Variants in KRR1 observed in about 807,000 individuals in gnomAD.
The protein encoded by KRR1 is KRR1 small subunit processome component.
In KRR1, 23 loss-of-function variants were observed where a neutral mutation model predicts 50.0. The ratio of observed to expected loss-of-function variants is 0.46; its 90% CI spans 0.33 to 0.65. KRR1 has a LOEUF of 0.65. Among genes scored for constraint, KRR1 ranks in the 30% least tolerant of loss-of-function variants. The pLI is 0.02. For missense variants in KRR1, 419 were observed against 442.4 expected, an observed-to-expected ratio of 0.95 and a Z score of 0.47; for synonymous variants, 133 against 146.3, an observed-to-expected ratio of 0.91 and a Z score of 0.66.
chr12:75,505,628 T>C (rs2046418599), intron 5 of KRR1, among the ~76,000 whole-genome samples: 1 of 152,062 alleles, frequency 6.6e-6, no homozygotes, highest in African/African-American at 2.4e-5. Context: ...AAGACTCTCT[T>C]GTAAGAATTG....
intron 7 of KRR1, 188 bp from the exon 8 acceptor site, chr12:75,502,188 A>T (rs1420342007): frequency 1.8e-6 from 1 of 551,888 alleles, no homozygotes; most frequent in Non-Finnish European, 3.2e-6. Flanking sequence ...TGGAGGTAGG[A>T]AAGCACCTCC....
chr12:75,506,081 C>A, intron 5 of KRR1: 1 of 364,304 alleles, frequency 2.7e-6, no homozygotes, highest in Non-Finnish European at 5.0e-6. Context: ...TAATAGTGTG[C>A]AGACCATCTA....
chr12:75,501,473 A>C (rs950979421), intron 9 of KRR1: 1 of 385,690 alleles, frequency 2.6e-6, no homozygotes, highest in Non-Finnish European at 4.6e-6. Flanking sequence ...CTTTCACAAC[A>C]AAGAGTCTTT....
chr12:75,497,785 C>T lies in KRR1; in HGVS notation c.*2024G>A, dbSNP rs2120570545. 6.6e-6 allele frequency: 1 copy of T among 152,204 alleles called. No individual in the cohort carries two copies. The highest frequency in any genetic ancestry group is 2.1e-4 in the South Asian group (1 of 4,824). The allele number at this position is 152,204 out of a possible 1,614,324, so 9.4% of individuals were successfully genotyped here. Reference sequence around the variant, plus strand: ...AATACCCTTGGAGGCCAAATCAGGACTGTTTTACAAAATGTGCTGGGCATA... The same window carrying T: ...AATACCCTTGGAGGCCAAATCAGGATTGTTTTACAAAATGTGCTGGGCATA... On this transcript the variant is annotated 3_prime_UTR_variant, in exon 10 of 10. Transcript: ENST00000229214.
chr12:75,500,007 AAAG>A, intron 9 of KRR1, 56 bp from the exon 10 acceptor site: 4 of 1,361,640 alleles, frequency 2.9e-6, no homozygotes, highest in Non-Finnish European at 4.0e-6. Context: ...CAAGTAAAAC[AAAG>A]AATATATGTT....
chr12:75,501,516 G>A, intron 9 of KRR1: 1 of 530,768 alleles, frequency 1.9e-6, no homozygotes. Context: ...GGAGAGGACT[G>A]TCAATCCAGT....
At position 75,497,891 on chromosome 12, in the gene KRR1, T is replaced by C. The variant is rs996968363; in HGVS notation, c.*1918A>G. 7.8e-6 allele frequency: 1 copy of C among 127,838 alleles called. No homozygotes were observed. The highest frequency in any genetic ancestry group is 1.8e-5 in the Non-Finnish European group (1 of 54,910). 7.9% of individuals were successfully genotyped at this position (127,838 alleles called of 1,614,324 possible). A position where few individuals can be genotyped will look rare whatever the true frequency, so the allele number is the denominator to read the frequency against. On this transcript the variant is annotated 3_prime_UTR_variant, in exon 10 of 10. Coordinates refer to ENST00000229214, the MANE Select transcript of KRR1 (RefSeq NM_007043.7). ...GTTGAATATTGAACATTTAAAAATA[T>C]ATATAAAAAAAAATAACTAGAACAT...
chr12:75,492,955 G>C lies in KRR1; in HGVS notation c.*6854C>G, dbSNP rs1323279793. 6.6e-6 allele frequency: 1 copy of C among 152,176 alleles called. No individual in the cohort carries two copies. The highest frequency in any genetic ancestry group is 1.5e-5 in the Non-Finnish European group (1 of 68,040). The allele number at this position is 152,176 out of a possible 1,614,324, so 9.4% of individuals were successfully genotyped here. On this transcript the variant is annotated 3_prime_UTR_variant, in exon 10 of 10. Coordinates refer to ENST00000229214, the MANE Select transcript of KRR1 (RefSeq NM_007043.7). ...GCTTCTTGTGTTATATTTAAGCTTA[G>C]GCATGAAGAATGAGAAGGAATCAGA... is the stretch of plus-strand genomic sequence containing the variant.
intron 9 of KRR1, chr12:75,501,448 G>T: frequency 3.2e-6 from 1 of 314,122 alleles, no homozygotes; most frequent in Non-Finnish European, 5.8e-6. Flanking sequence ...TGCACTGGCT[G>T]CCCTGGGTTT....
At position 75,506,624 on chromosome 12, in the gene KRR1, A is replaced by AC; in HGVS notation, c.394-16_394-15insG. ...ATTCGTACTGCCTTTTGCAAAAAAA[A>AC]AAAAAAAAAGAAGACATTATCAACA... On this transcript the variant is annotated splice_polypyrimidine_tract_variant and intron_variant, in intron 3 of 9. Coordinates refer to ENST00000229214, the MANE Select transcript of KRR1 (RefSeq NM_007043.7). The AC allele has an allele frequency of 6.4e-7, 1 of 1,552,478 alleles. No homozygotes were observed. The highest frequency in any genetic ancestry group is 1.4e-5 in the African/African-American group (1 of 71,788).
intron 7 of KRR1, 160 bp downstream of exon 7, chr12:75,503,744 A>G (rs2046409492): frequency 1.7e-6 from 1 of 579,404 alleles, no homozygotes; most frequent in Non-Finnish European, 2.9e-6. Context: ...AGCTCAAAAT[A>G]TGCCTATTTA....
At position 75,491,034 on chromosome 12, in the gene KRR1, T is replaced by C. The variant is rs1001076824; in HGVS notation, c.*8775A>G. On this transcript the variant is annotated 3_prime_UTR_variant, in exon 10 of 10. Coordinates refer to ENST00000229214, the MANE Select transcript of KRR1 (RefSeq NM_007043.7). ...CACCTTCCTCCTACTTTCTTTAAAC[T>C]TACATATGTGTGCTTGTGTCATACA... 1 of 152,484 alleles carries C rather than the reference T, an allele frequency of 6.6e-6. No individual in the cohort carries two copies. Among genetic ancestry groups the C allele is most frequent in the African/African-American group, 2.4e-5 (1 of 41,452 alleles). 9.4% of individuals were successfully genotyped at this position (152,484 alleles called of 1,614,324 possible).
rs1679372 is a variant in KRR1, at chr12:75,511,385, G to T, written c.85+128C>A. ...TGGGCCCAGCCAAAATCTTATCAGC[G>T]ATTATTCAGGTACTCAACTACACAG... On this transcript the variant is annotated intron_variant, in intron 1 of 9. Transcript: ENST00000229214. 8.0e-3 allele frequency: 6,260 copies of T among 777,646 alleles called. 275 individuals are homozygous for T. The African/African-American group carries it at 0.097, about 12-fold the overall frequency. 48.2% of individuals were successfully genotyped at this position (777,646 alleles called of 1,614,324 possible).
Position 75,498,847 on chromosome 12 carries a change from G to T in KRR1, c.*962C>A. 2 of 1,612,530 alleles carry T rather than the reference G, an allele frequency of 1.2e-6. No individual in the cohort carries two copies. Among genetic ancestry groups the T allele is most frequent in the Non-Finnish European group, 1.7e-6 (2 of 1,178,984 alleles). On this transcript the variant is annotated 3_prime_UTR_variant, in exon 10 of 10. Coordinates refer to ENST00000229214, the MANE Select transcript of KRR1 (RefSeq NM_007043.7). ...AGGTTACTACTCTGTTGTATATCCA[G>T]GCTGGCCCATATATCCACGTAACAG... is the stretch of plus-strand genomic sequence containing the variant.
At position 75,495,895 on chromosome 12, in the gene KRR1, A is replaced by C. The variant is rs1014153494; in HGVS notation, c.*3914T>G. On this transcript the variant is annotated 3_prime_UTR_variant, in exon 10 of 10. Transcript: ENST00000229214. ...ATTGGTCAAACAACAACAACAAAAAAAACTGTCAGAAACTGTAGACTAAGA... is the reference window on the plus strand; with the variant it reads ...ATTGGTCAAACAACAACAACAAAAACAACTGTCAGAAACTGTAGACTAAGA... 1 of 320,156 alleles carries C rather than the reference A, an allele frequency of 3.1e-6. No individual in the cohort carries two copies. Among genetic ancestry groups the C allele is most frequent in the Non-Finnish European group, 5.7e-6 (1 of 176,306 alleles). 19.8% of individuals were successfully genotyped at this position (320,156 alleles called of 1,614,324 possible). A position where few individuals can be genotyped will look rare whatever the true frequency, so the allele number is the denominator to read the frequency against.
Position 75,511,530 on chromosome 12 carries a change from G to A in KRR1, c.68C>T (p.Pro23Leu), listed in dbSNP as rs770064660. The change falls in exon 1 of 10, where the codon CCG (proline) becomes CTG (leucine). Residue 23 changes from proline to leucine, a missense_variant. Coordinates refer to ENST00000229214, the MANE Select transcript of KRR1 (RefSeq NM_007043.7). ...AGKSEFRNQKPKPENQDESEL... is the reference protein window; with the variant it reads ...AGKSEFRNQKLKPENQDESEL... ...AACATCACCTTGGTTCTCCGGCTTC[G>A]GCTTCTGGTTACGAAATTCACTTTT... 8 of 1,614,092 alleles carry A rather than the reference G, an allele frequency of 5.0e-6. No homozygotes were observed. The highest frequency in any genetic ancestry group is 5.9e-6 in the Non-Finnish European group (7 of 1,179,954).
In KRR1 at chr12:75,494,190, T is replaced by C. The variant is rs1386530743; in HGVS notation, c.*5619A>G. On this transcript the variant is annotated 3_prime_UTR_variant, in exon 10 of 10. Transcript: ENST00000229214. ...TTGGAAATAAGGTATCGTTATAAAG[T>C]TGTGTGTCTAAGGTGAGAGTTCTCA... is the stretch of plus-strand genomic sequence containing the variant. 2 of 152,158 alleles carry C rather than the reference T, an allele frequency of 1.3e-5. No homozygotes were observed. Among genetic ancestry groups the C allele is most frequent in the Non-Finnish European group, 2.9e-5 (2 of 68,024 alleles). 9.4% of individuals were successfully genotyped at this position (152,158 alleles called of 1,614,324 possible).
At chr12:75,500,180 G>T (rs2046381972) in intron 9 of KRR1, 1 of 298,854 alleles carries the variant, frequency 3.3e-6, no homozygotes, top group Non-Finnish European at 6.0e-6. Context: ...TTATATATTA[G>T]TACAAGTATA....
In KRR1 at chr12:75,491,741, T is replaced by C. The variant is rs2046324872; in HGVS notation, c.*8068A>G. On this transcript the variant is annotated 3_prime_UTR_variant, in exon 10 of 10. Transcript: ENST00000229214. ...ACATAATTGTCTATTTATATTCCTT[T>C]TTCTGTGAATCATGTGGGCTGACCA... is the stretch of plus-strand genomic sequence containing the variant. 1 of 152,192 alleles carries C rather than the reference T, an allele frequency of 6.6e-6. No homozygotes were observed. Among genetic ancestry groups the C allele is most frequent in the Non-Finnish European group, 1.5e-5 (1 of 68,040 alleles). 9.4% of individuals were successfully genotyped at this position (152,192 alleles called of 1,614,324 possible).
Sources: gnomAD v4.1 joint callset for allele counts (sites outside exome capture counted in the v4.1 genomes callset) on GRCh38, gnomAD v4.1.1 for gene constraint, MANE v1.5 for transcripts, NCBI Gene and HGNC (gene_info 2026-07-23, HGNC 2026-07-21) for gene names.